The following CFAP299 variants were observed in gnomAD, a reference collection of about 807,000 sequenced individuals.
The protein encoded by CFAP299 is cilia and flagella associated protein 299, also known as cilia- and flagella-associated protein 299.
Under a neutral mutation model 27.0 loss-of-function variants are expected in CFAP299, and 21 were observed. That is an observed-to-expected ratio of 0.78 (90% confidence interval 0.55 to 1.12). CFAP299 has a LOEUF of 1.12. CFAP299 is among the 50% of genes most tolerant of loss of function. The probability of loss-of-function intolerance (pLI) is 0.00; values close to 1 mark genes in which losing one functional copy is unlikely to be tolerated. For missense variants in CFAP299, 310 were observed against 276.6 expected (o/e 1.12, Z -0.86); for synonymous variants, 104 against 98.1 (o/e 1.06, Z -0.36).
chr4:80,890,679 A>C (rs1448346526), intron 4 of CFAP299, among the ~76,000 whole-genome samples: 1 of 150,304 alleles, frequency 6.7e-6, no homozygotes, highest in African/African-American at 2.5e-5. Flanking sequence ...TCCCACCAAC[A>C]GTGTAAAAGT....
At chr4:80,937,131 G>A (rs996018728) in intron 4 of CFAP299, among the ~76,000 whole-genome samples, 6 of 151,646 alleles carry the variant, frequency 4.0e-5, no homozygotes, top group Admixed American at 3.3e-4. Context: ...AGGTGCTCCC[G>A]CATTGAGTGA....
At chr4:80,608,823 G>T (rs1482786135) in intron 3 of CFAP299, among the ~76,000 whole-genome samples, 1 of 151,538 alleles carries the variant, frequency 6.6e-6, no homozygotes, top group African/African-American at 2.4e-5. Context: ...AAATGGGTTA[G>T]AATTCTTGTG....
intron 1 of CFAP299, among the ~76,000 whole-genome samples, chr4:80,340,361 G>A (rs1722384677): frequency 6.6e-6 from 1 of 152,158 alleles, no homozygotes; most frequent in South Asian, 2.1e-4. Flanking sequence ...ACTCAGAACT[G>A]TGCAAAGTCT....
intron 4 of CFAP299, among the ~76,000 whole-genome samples, chr4:80,931,700 T>A (rs1040464914): frequency 4.0e-5 from 6 of 151,876 alleles, no homozygotes; most frequent in African/African-American, 1.5e-4. Flanking sequence ...CTAGCTGGTT[T>A]AGCTAATTTT....
At chr4:80,859,362 C>G (rs953838200) in intron 3 of CFAP299, among the ~76,000 whole-genome samples, 1 of 152,116 alleles carries the variant, frequency 6.6e-6, no homozygotes, top group African/African-American at 2.4e-5. Flanking sequence ...GACTCTTTAT[C>G]CAATTTGCCA....
chr4:80,417,488 G>A (rs1727074213), intron 2 of CFAP299, among the ~76,000 whole-genome samples: 1 of 152,066 alleles, frequency 6.6e-6, no homozygotes, highest in South Asian at 2.1e-4. Flanking sequence ...CTGGATGTGA[G>A]GTTAAATAGG....
At chr4:80,900,928 A>T (rs1005166920) in intron 4 of CFAP299, among the ~76,000 whole-genome samples, 1 of 152,082 alleles carries the variant, frequency 6.6e-6, no homozygotes, top group African/African-American at 2.4e-5. Context: ...ATAAAAACCA[A>T]CCCACAGTAG....
At chr4:80,909,342 T>C (rs973332815) in intron 4 of CFAP299, among the ~76,000 whole-genome samples, 1 of 152,088 alleles carries the variant, frequency 6.6e-6, no homozygotes, top group African/African-American at 2.4e-5. Context: ...AGTTTCTAGC[T>C]TTGGCACTAA....
chr4:80,479,036 C>T (rs1221001367), intron 2 of CFAP299, among the ~76,000 whole-genome samples: 1 of 151,738 alleles, frequency 6.6e-6, no homozygotes, highest in African/African-American at 2.4e-5. Context: ...TAAGAATTAT[C>T]AAATAGGTAT....
intron 2 of CFAP299, among the ~76,000 whole-genome samples, chr4:80,472,954 A>C (rs1207236897): frequency 2.0e-5 from 3 of 152,154 alleles, no homozygotes; most frequent in Admixed American, 6.5e-5. Flanking sequence ...TGATTAATTG[A>C]TACTCAATTC....
At chr4:80,444,861 G>A (rs1282466976) in intron 2 of CFAP299, among the ~76,000 whole-genome samples, 3 of 152,138 alleles carry the variant, frequency 2.0e-5, no homozygotes, top group Non-Finnish European at 4.4e-5. Context: ...ACAAGTGGGT[G>A]AAGGATATAA....
intron 2 of CFAP299, among the ~76,000 whole-genome samples, chr4:80,428,924 G>A (rs1056121932): frequency 2.6e-5 from 4 of 152,112 alleles, no homozygotes; most frequent in African/African-American, 9.7e-5. Flanking sequence ...CAATGTGTGT[G>A]TTTTTCTTGG....
At chr4:80,480,652 A>G (rs543367303) in intron 2 of CFAP299, among the ~76,000 whole-genome samples, 1 of 152,176 alleles carries the variant, frequency 6.6e-6, no homozygotes, top group South Asian at 2.1e-4. Flanking sequence ...TTTTAGGCCT[A>G]GTCTCCATTT....
intron 4 of CFAP299, among the ~76,000 whole-genome samples, chr4:80,882,106 G>A (rs942226876): frequency 6.6e-6 from 1 of 152,092 alleles, no homozygotes; most frequent in Non-Finnish European, 1.5e-5. Context: ...AGAAACTTAT[G>A]CAGCTCTGCC....
chr4:80,558,350 G>GTTTTTTTTTTTT lies in CFAP299; in HGVS notation c.243-24740_243-24739insTTTTTTTTTTTT, dbSNP rs1352651407. ...GAAGACTTTTGTGGTTTTTTTGTTT[G>GTTTTTTTTTTTT]TTTGTTTGTTTGTTTGTTTTTTTTT... On this transcript the variant is annotated intron_variant, in intron 2 of 5. Coordinates refer to ENST00000358105, the MANE Select transcript of CFAP299 (RefSeq NM_152770.3). Among the ~76,000 whole-genome samples the GTTTTTTTTTTTT allele has an allele frequency of 2.0e-4, 26 of 132,216 alleles. 1 individual carries two copies. The highest frequency in any genetic ancestry group is 7.6e-4 in the African/African-American group (25 of 33,062). The allele number at this position is 132,216 out of a possible 152,430, so 86.7% of individuals were successfully genotyped here.
At chr4:80,516,017 CTTTTTTT>C (rs34249511) in intron 2 of CFAP299, among the ~76,000 whole-genome samples, 3 of 119,538 alleles carry the variant, frequency 2.5e-5, no homozygotes, top group African/African-American at 6.6e-5. Flanking sequence ...TTCTGCATTT[CTTTTTTT>C]TTTTTTTTTT....
intron 3 of CFAP299, among the ~76,000 whole-genome samples, chr4:80,801,669 T>A (rs1407329291): frequency 6.6e-6 from 1 of 152,094 alleles, no homozygotes; most frequent in Non-Finnish European, 1.5e-5. Flanking sequence ...TTACCTATGG[T>A]GTTTGCAGAT....
At chr4:80,531,742 TAGA>T (rs1400234656) in intron 2 of CFAP299, among the ~76,000 whole-genome samples, 2 of 149,752 alleles carry the variant, frequency 1.3e-5, no homozygotes, top group Non-Finnish European at 3.0e-5. Context: ...ACTGATAAGA[TAGA>T]AGTTTTTTTT....
chr4:80,432,749 C>T (rs1168241500), intron 2 of CFAP299, among the ~76,000 whole-genome samples: 3 of 151,718 alleles, frequency 2.0e-5, no homozygotes, highest in Non-Finnish European at 2.9e-5. Flanking sequence ...CCAGGATGGT[C>T]TCGATCTTCT....
Sources: gnomAD v4.1 joint callset for allele counts (sites outside exome capture counted in the v4.1 genomes callset) on GRCh38, gnomAD v4.1.1 for gene constraint, MANE v1.5 for transcripts, NCBI Gene and HGNC (gene_info 2026-07-23, HGNC 2026-07-21) for gene names.